PIGK: variants seen among roughly 807,000 people sequenced by gnomAD.
PIGK encodes the protein phosphatidylinositol glycan anchor biosynthesis class K.
PIGK carries 42 observed loss-of-function variants against 50.6 expected under a neutral mutation model. That is an observed-to-expected ratio of 0.83 (90% CI 0.65 to 1.07). The LOEUF is 1.07. Among genes scored for constraint, PIGK ranks in the 50% least tolerant of loss-of-function variants. The pLI is 0.00. For missense variants in PIGK, 448 were observed against 488.7 expected, an observed-to-expected ratio of 0.92 and a Z score of 0.78; for synonymous variants, 151 against 156.0, an observed-to-expected ratio of 0.97 and a Z score of 0.24.
intron 10 of PIGK, among the ~76,000 whole-genome samples, 155 bp downstream of exon 10, chr1:77,122,120 A>T (rs1654111204): frequency 6.6e-6 from 1 of 152,194 alleles, no homozygotes; most frequent in South Asian, 2.1e-4. Context: ...TTTGAATGGG[A>T]CTTTCAACTG....
At chr1:77,096,340 G>GT (rs1653404593) in intron 10 of PIGK, among the ~76,000 whole-genome samples, 1 of 152,108 alleles carries the variant, frequency 6.6e-6, no homozygotes, top group African/African-American at 2.4e-5. Flanking sequence ...CCTCTGCAAC[G>GT]TGACTTTATA....
chr1:77,215,474 A>C lies in PIGK; in HGVS notation c.93+3836T>G, dbSNP rs558988292. On this transcript the variant is annotated intron_variant, in intron 1 of 10. Coordinates refer to ENST00000370812, the MANE Select transcript of PIGK (RefSeq NM_005482.3). ...GAATTCTTATACACTGCTGGTGGGAATGTAAATTAGTATAGCCACTATAGT... is the reference window on the plus strand; with the variant it reads ...GAATTCTTATACACTGCTGGTGGGACTGTAAATTAGTATAGCCACTATAGT... Among the ~76,000 whole-genome samples the C allele has an allele frequency of 2.7e-3, 417 of 152,276 alleles. 1 individual carries two copies. The highest frequency in any genetic ancestry group is 9.2e-3 in the African/African-American group (384 of 41,564).
chr1:77,202,033 G>T (rs1264960687), intron 3 of PIGK, among the ~76,000 whole-genome samples: 1 of 141,864 alleles, frequency 7.0e-6, no homozygotes, highest in Non-Finnish European at 1.5e-5. Context: ...AACCCACCCA[G>T]GGCAATGGAG....
intron 3 of PIGK, among the ~76,000 whole-genome samples, chr1:77,187,374 C>G (rs1655774716): frequency 6.6e-6 from 1 of 152,186 alleles, no homozygotes; most frequent in South Asian, 2.1e-4. Flanking sequence ...GATCCACTAG[C>G]AAAATTTTTG....
chr1:77,156,814 G>A (rs1029595255), intron 8 of PIGK, among the ~76,000 whole-genome samples: 3 of 152,110 alleles, frequency 2.0e-5, no homozygotes, highest in South Asian at 2.1e-4. Flanking sequence ...GATATTCAAT[G>A]AGCATCTACA....
At chr1:77,140,674 T>C (rs1362698360) in intron 9 of PIGK, among the ~76,000 whole-genome samples, 2 of 152,124 alleles carry the variant, frequency 1.3e-5, no homozygotes, top group African/African-American at 4.8e-5. Flanking sequence ...TATATCTAAC[T>C]TTCAAAGAAA....
chr1:77,201,385 T>C (rs540624875), intron 3 of PIGK, among the ~76,000 whole-genome samples: 2 of 152,274 alleles, frequency 1.3e-5, no homozygotes, highest in Admixed American at 6.5e-5. Flanking sequence ...GGATTTCTGA[T>C]AGAAATAAAT....
At chr1:77,164,027 AT>A (rs1170562277) in intron 5 of PIGK, 85 bp from the exon 6 acceptor site, 3 of 686,004 alleles carry the variant, frequency 4.4e-6, no homozygotes, top group Non-Finnish European at 7.4e-6. Context: ...CATTCATTAC[AT>A]TTTGACATCG....
chr1:77,109,641 C>T (rs1391608205), intron 10 of PIGK, among the ~76,000 whole-genome samples: 1 of 152,102 alleles, frequency 6.6e-6, no homozygotes, highest in Non-Finnish European at 1.5e-5. Context: ...ATGACAAACC[C>T]ACAGCCAATA....
At chr1:77,166,475 A>G (rs1655237025) in intron 5 of PIGK, among the ~76,000 whole-genome samples, 2 of 151,502 alleles carry the variant, frequency 1.3e-5, no homozygotes. Flanking sequence ...ATACCAAGCA[A>G]AAGGTGCTAA....
intron 3 of PIGK, among the ~76,000 whole-genome samples, chr1:77,172,070 A>ATTTTTTTTTTTTTTTTTTTTTTTT (rs34115617): frequency 1.5e-5 from 2 of 130,938 alleles, no homozygotes; most frequent in Admixed American, 7.8e-5. Flanking sequence ...TCTACATTTA[A>ATTTTTTTTTTTTTTTTTTTTTTTT]TTTTTTTTTT....
chr1:77,141,089 G>A (rs839797), intron 9 of PIGK, among the ~76,000 whole-genome samples: 23,577 of 151,914 alleles, frequency 0.16, 2,885 homozygotes, highest in African/African-American at 0.34. Context: ...TTGCTATAAA[G>A]AAATAAACAT....
intron 1 of PIGK, among the ~76,000 whole-genome samples, chr1:77,215,199 T>C (rs941455740): frequency 6.6e-6 from 1 of 151,996 alleles, no homozygotes; most frequent in South Asian, 2.1e-4. Context: ...ATCCAAAATA[T>C]ACAAGGAACT....
chr1:77,182,695 GT>G (rs1445632138), intron 3 of PIGK, among the ~76,000 whole-genome samples: 1 of 152,136 alleles, frequency 6.6e-6, no homozygotes, highest in Non-Finnish European at 1.5e-5. Flanking sequence ...TGGTTTTGGG[GT>G]TTCTGGATTT....
intron 3 of PIGK, among the ~76,000 whole-genome samples, chr1:77,180,548 G>A (rs374670525): frequency 3.0e-4 from 45 of 152,212 alleles, no homozygotes; most frequent in African/African-American, 9.4e-4. Flanking sequence ...TTAAGGACAC[G>A]TGCCCAGGAC....
intron 1 of PIGK, among the ~76,000 whole-genome samples, chr1:77,210,779 C>T (rs1656400564): frequency 6.6e-6 from 1 of 151,954 alleles, no homozygotes; most frequent in South Asian, 2.1e-4. Flanking sequence ...ACTTAACCTC[C>T]CTGGAGACTC....
chr1:77,126,103 T>C (rs772396711), intron 9 of PIGK, among the ~76,000 whole-genome samples: 9 of 152,238 alleles, frequency 5.9e-5, no homozygotes, highest in Non-Finnish European at 8.8e-5. Context: ...GTCTGATTCA[T>C]GGTGTCCTTT....
chr1:77,207,339 T>C (rs1656313634), intron 2 of PIGK, among the ~76,000 whole-genome samples: 1 of 152,204 alleles, frequency 6.6e-6, no homozygotes, highest in Non-Finnish European at 1.5e-5. Context: ...ACATTCCTAT[T>C]TCTAAAAAAT....
intron 3 of PIGK, among the ~76,000 whole-genome samples, chr1:77,201,722 C>T (rs981735838): frequency 2.6e-5 from 4 of 151,562 alleles, no homozygotes; most frequent in African/African-American, 9.7e-5. Flanking sequence ...GCCTGGGGTA[C>T]AGAGCAAGGC....
Sources: gnomAD v4.1 joint callset for allele counts (sites outside exome capture counted in the v4.1 genomes callset) on GRCh38, gnomAD v4.1.1 for gene constraint, MANE v1.5 for transcripts, NCBI Gene and HGNC (gene_info 2026-07-23, HGNC 2026-07-21) for gene names.